Variants in RBFOX1 observed in about 807,000 individuals in gnomAD.
RBFOX1 encodes RNA binding protein fox-1 homolog 1.
A neutral mutation model predicts 57.7 loss-of-function variants in RBFOX1; 8 were observed. That is an observed-to-expected ratio of 0.14 (90% CI 0.08 to 0.25). The LOEUF (loss-of-function observed/expected upper bound fraction) is 0.25. Among genes scored for constraint, RBFOX1 ranks in the 10% least tolerant of loss-of-function variants. RBFOX1 has a pLI of 1.00. For missense variants in RBFOX1, 611 were observed against 548.5 expected, an observed-to-expected ratio of 1.11 and a Z score of -1.14; for synonymous variants, 326 against 222.4, an observed-to-expected ratio of 1.47 and a Z score of -4.15.
intron 1 of RBFOX1, among the ~76,000 whole-genome samples, chr16:6,153,046 T>G (rs1433698932): frequency 9.9e-5 from 15 of 151,280 alleles, no homozygotes; most frequent in Non-Finnish European, 2.2e-4. Context: ...TTTTTTTTTT[T>G]TTTGTTAATT....
intron 3 of RBFOX1, among the ~76,000 whole-genome samples, chr16:6,757,329 G>C (rs1255554788): frequency 1.3e-5 from 2 of 152,092 alleles, no homozygotes; most frequent in Non-Finnish European, 2.9e-5. Context: ...ATCAATATCT[G>C]AAAGGACCTG....
intron 4 of RBFOX1, among the ~76,000 whole-genome samples, chr16:7,199,089 C>T (rs746519789): frequency 1.5e-4 from 23 of 152,146 alleles, no homozygotes; most frequent in Non-Finnish European, 2.5e-4. Context: ...GTCCTCCTCC[C>T]CAGAGGAAGA....
At position 7,139,983 on chromosome 16, in the gene RBFOX1, G is replaced by A. The variant is rs556694899; in HGVS notation, c.27+87885G>A. On this transcript the variant is annotated intron_variant, in intron 4 of 15. Transcript: ENST00000550418. ...TTTTAGTTGCTGACTTGATATCCAA[G>A]TCAAGACTGCAGTGGATCCCAGGAC... is the stretch of plus-strand genomic sequence containing the variant. Among the ~76,000 whole-genome samples the A allele has an allele frequency of 3.5e-4, 53 of 152,228 alleles. No individual in the cohort carries two copies. In the South Asian group the frequency reaches 7.5e-3, roughly 21 times the overall value.
intron 2 of RBFOX1, among the ~76,000 whole-genome samples, chr16:6,477,910 C>A (rs2095299309): frequency 6.6e-6 from 1 of 152,174 alleles, no homozygotes; most frequent in South Asian, 2.1e-4. Flanking sequence ...AGATACTCCT[C>A]CTTGCCTTCA....
At chr16:6,002,800 G>C (rs1269611393) in intron 4 of RBFOX1, among the ~76,000 whole-genome samples, 6 of 152,212 alleles carry the variant, frequency 3.9e-5, no homozygotes, top group Non-Finnish European at 7.3e-5. Context: ...TAAATTGATT[G>C]AGTTAGAGCA....
In RBFOX1 at chr16:7,333,052, T is replaced by C. The variant is rs781023213; in HGVS notation, c.28-185095T>C. ...TGCATCCTTATGGCGTGCCTATGAT[T>C]GTACCGGCAGCTCCTTACCTTCCTG... On this transcript the variant is annotated intron_variant, in intron 4 of 15. Coordinates refer to ENST00000550418, the MANE Select transcript of RBFOX1 (RefSeq NM_018723.4). 37 of 1,613,820 alleles carry C rather than the reference T, an allele frequency of 2.3e-5. 1 individual carries two copies. The Middle Eastern group carries it at 5.0e-4, about 22-fold the overall frequency.
intron 1 of RBFOX1, among the ~76,000 whole-genome samples, chr16:6,233,123 G>A (rs1030207269): frequency 1.3e-5 from 2 of 152,154 alleles, no homozygotes; most frequent in African/African-American, 4.8e-5. Flanking sequence ...AGAGAGATGA[G>A]GCTGGAAAGT....
At chr16:6,672,391 G>C (rs1334796284) in intron 3 of RBFOX1, among the ~76,000 whole-genome samples, 1 of 148,952 alleles carries the variant, frequency 6.7e-6, no homozygotes, top group Non-Finnish European at 1.5e-5. Context: ...GAGAGAAGGA[G>C]AGAGAGAAAA....
chr16:6,579,349 A>C (rs149063789), intron 2 of RBFOX1, among the ~76,000 whole-genome samples: 1 of 151,916 alleles, frequency 6.6e-6, no homozygotes, highest in Non-Finnish European at 1.5e-5. Context: ...GACTATATGC[A>C]TGCACCACCA....
chr16:6,748,160 C>G (rs2074165025), intron 3 of RBFOX1, among the ~76,000 whole-genome samples: 1 of 151,948 alleles, frequency 6.6e-6, no homozygotes. Context: ...GATTTACTAG[C>G]ATCTCGTTAG....
intron 3 of RBFOX1, among the ~76,000 whole-genome samples, chr16:6,763,990 C>G (rs756173052): frequency 1.3e-5 from 2 of 152,158 alleles, no homozygotes; most frequent in African/African-American, 4.8e-5. Context: ...CAGTGGCCAT[C>G]AGGGAATGAG....
At chr16:7,520,891 A>G (rs1038024943) in intron 5 of RBFOX1, among the ~76,000 whole-genome samples, 1 of 151,438 alleles carries the variant, frequency 6.6e-6, no homozygotes, top group Non-Finnish European at 1.5e-5. Flanking sequence ...TCATTTATTT[A>G]TTCACAAATA....
chr16:6,281,980 A>C (rs955164249), intron 1 of RBFOX1, among the ~76,000 whole-genome samples: 3 of 152,138 alleles, frequency 2.0e-5, no homozygotes, highest in Non-Finnish European at 4.4e-5. Flanking sequence ...GAAACGGGTG[A>C]GCGTTTGTTA....
chr16:5,668,677 C>T (rs1033412291), intron 3 of RBFOX1, among the ~76,000 whole-genome samples: 2 of 152,174 alleles, frequency 1.3e-5, no homozygotes, highest in African/African-American at 4.8e-5. Flanking sequence ...CTCCTTTCCC[C>T]TATCATCAAG....
intron 1 of RBFOX1, among the ~76,000 whole-genome samples, chr16:6,304,428 C>G (rs1268082711): frequency 6.6e-6 from 1 of 152,152 alleles, no homozygotes; most frequent in East Asian, 1.9e-4. Context: ...GTCTCACCTC[C>G]ATGGAACTGG....
At chr16:7,306,841 G>GT (rs2096200726) in intron 4 of RBFOX1, among the ~76,000 whole-genome samples, 1 of 152,126 alleles carries the variant, frequency 6.6e-6, no homozygotes, top group South Asian at 2.1e-4. Context: ...GTGTGAAATA[G>GT]TTTAATCTCC....
rs182857021 is a variant in RBFOX1, at chr16:6,555,899, G to A, written c.-63-98704G>A. Among the ~76,000 whole-genome samples the A allele has an allele frequency of 2.4e-4, 37 of 152,286 alleles. No homozygotes were observed. In the East Asian group the frequency reaches 6.8e-3, roughly 28 times the overall value. On this transcript the variant is annotated intron_variant, in intron 2 of 15. Transcript: ENST00000550418. The stretch of plus-strand genomic sequence containing the variant: ...AGTCAATTCTCATTAAATATTGGCT[G>A]CATAAGGGATGGGGATCATAGGCAT...
intron 1 of RBFOX1, among the ~76,000 whole-genome samples, chr16:6,295,996 A>G (rs1256548966): frequency 3.9e-5 from 6 of 152,208 alleles, no homozygotes; most frequent in African/African-American, 1.4e-4. Context: ...TGGAATAACA[A>G]GGCTTAGGAG....
chr16:5,690,394 T>C (rs10459823), intron 3 of RBFOX1, among the ~76,000 whole-genome samples: 34,751 of 151,976 alleles, frequency 0.23, 5,457 homozygotes, highest in East Asian at 0.81. Context: ...ACCCATATCT[T>C]GGGGCTCAGT....
Sources: gnomAD v4.1 joint callset for allele counts (sites outside exome capture counted in the v4.1 genomes callset) on GRCh38, gnomAD v4.1.1 for gene constraint, MANE v1.5 for transcripts, NCBI Gene and HGNC (gene_info 2026-07-23, HGNC 2026-07-21) for gene names.